Variants in CCSER1 observed in about 807,000 individuals in gnomAD.
CCSER1 encodes serine-rich coiled-coil domain-containing protein 1.
Under a neutral mutation model 82.0 loss-of-function variants are expected in CCSER1, and 41 were observed. The observed-to-expected ratio is 0.50, with a 90% CI of 0.39 to 0.65. The LOEUF is 0.65. Among genes scored for constraint, CCSER1 ranks in the 30% least tolerant of loss-of-function variants. The pLI is 0.00. For missense variants in CCSER1, 1,119 were observed against 1,064.2 expected, an observed-to-expected ratio of 1.05 and a Z score of -0.72; for synonymous variants, 414 against 383.9, an observed-to-expected ratio of 1.08 and a Z score of -0.92.
chr4:91,180,549 T>C (rs1447147279), intron 10 of CCSER1, among the ~76,000 whole-genome samples: 2 of 152,236 alleles, frequency 1.3e-5, no homozygotes, highest in Admixed American at 6.5e-5. Context: ...CCTTGCAGTT[T>C]GACCTCAGAC....
chr4:90,799,986 G>A (rs767779674), intron 7 of CCSER1, among the ~76,000 whole-genome samples: 6 of 152,140 alleles, frequency 3.9e-5, no homozygotes, highest in Non-Finnish European at 8.8e-5. Context: ...CGCTGGACCC[G>A]TGCAGAGTTC....
At chr4:90,802,024 C>G (rs545805347) in intron 7 of CCSER1, among the ~76,000 whole-genome samples, 1 of 151,788 alleles carries the variant, frequency 6.6e-6, no homozygotes, top group South Asian at 2.1e-4. Flanking sequence ...TCAAGATCAA[C>G]CTGGCCAATA....
intron 10 of CCSER1, among the ~76,000 whole-genome samples, chr4:91,489,126 A>C (rs969622840): frequency 6.6e-6 from 1 of 152,214 alleles, no homozygotes; most frequent in African/African-American, 2.4e-5. Context: ...ATAAATAGCA[A>C]GTGCTAATAC....
intron 1 of CCSER1, among the ~76,000 whole-genome samples, chr4:90,167,349 A>G (rs549712006): frequency 2.6e-5 from 4 of 152,272 alleles, no homozygotes; most frequent in East Asian, 1.9e-4. Context: ...ATTTATAAGA[A>G]TATTGTCAAT....
chr4:90,259,432 C>CT lies in CCSER1; in HGVS notation c.-41-48803dup, dbSNP rs779748756. ...TCAGTGAACAGTGACAGTTTGACTTCTTTTTTTTTCCCAATTTGTATGTCC... is the reference window on the plus strand; with the variant it reads ...TCAGTGAACAGTGACAGTTTGACTTCTTTTTTTTTTCCCAATTTGTATGTCC... On this transcript the variant is annotated intron_variant, in intron 1 of 10. Coordinates refer to ENST00000509176, the MANE Select transcript of CCSER1 (RefSeq NM_001145065.2). Among the ~76,000 whole-genome samples, 168 of 151,042 alleles carry CT rather than the reference C, an allele frequency of 1.1e-3. 1 individual carries two copies. Among genetic ancestry groups the CT allele is most frequent in the Admixed American group, 1.5e-3 (22 of 15,124 alleles).
Position 90,131,732 on chromosome 4 carries a change from C to T in CCSER1, c.-42+3901C>T, listed in dbSNP as rs538451564. ...TTGCCATAAATATAGAGCTATGATA[C>T]GGAGCCTATAGTGAAAATTTTAGAA... On this transcript the variant is annotated intron_variant, in intron 1 of 10. Coordinates refer to ENST00000509176, the MANE Select transcript of CCSER1 (RefSeq NM_001145065.2). 1.1e-4 allele frequency among the ~76,000 whole-genome samples: 16 copies of T among 152,162 alleles called. No homozygotes were observed. The South Asian group carries it at 2.9e-3, about 28-fold the overall frequency.
At chr4:91,135,778 G>A (rs1174857505) in intron 10 of CCSER1, among the ~76,000 whole-genome samples, 3 of 152,120 alleles carry the variant, frequency 2.0e-5, no homozygotes, top group Non-Finnish European at 4.4e-5. Flanking sequence ...TTCACAAGTA[G>A]GGAACCTGGG....
At chr4:91,312,962 T>C (rs79430521) in intron 10 of CCSER1, among the ~76,000 whole-genome samples, 3,529 of 152,052 alleles carry the variant, frequency 0.023, 130 homozygotes, top group African/African-American at 0.079. Flanking sequence ...TCATAATTAT[T>C]TGATACCCCT....
At chr4:90,287,131 C>G (rs1578968255) in intron 1 of CCSER1, among the ~76,000 whole-genome samples, 2 of 151,520 alleles carry the variant, frequency 1.3e-5, no homozygotes, top group South Asian at 4.2e-4. Flanking sequence ...TGCTACTGCT[C>G]CTAAAAGAAG....
intron 10 of CCSER1, among the ~76,000 whole-genome samples, chr4:91,221,322 T>G (rs551215423): frequency 1.3e-5 from 2 of 152,306 alleles, no homozygotes; most frequent in Non-Finnish European, 2.9e-5. Flanking sequence ...AAATATGATT[T>G]CTTTAAATAA....
chr4:90,575,289 T>C (rs1780611677), intron 5 of CCSER1, among the ~76,000 whole-genome samples: 1 of 152,208 alleles, frequency 6.6e-6, no homozygotes, highest in South Asian at 2.1e-4. Context: ...GGGGCTTTGA[T>C]TCTGTGTCAT....
At chr4:91,350,313 T>C (rs190255215) in intron 10 of CCSER1, among the ~76,000 whole-genome samples, 194 of 152,328 alleles carry the variant, frequency 1.3e-3, no homozygotes, top group Middle Eastern at 6.8e-3. Flanking sequence ...AAGGAAAAAT[T>C]AATTATATAA....
At chr4:90,692,611 A>G (rs1273356051) in intron 6 of CCSER1, among the ~76,000 whole-genome samples, 1 of 152,084 alleles carries the variant, frequency 6.6e-6, no homozygotes, top group East Asian at 1.9e-4. Context: ...TACCTTGTTA[A>G]TTTTGACGTA....
intron 10 of CCSER1, among the ~76,000 whole-genome samples, chr4:91,302,009 T>G (rs1744707495): frequency 6.6e-6 from 1 of 151,852 alleles, no homozygotes; most frequent in Non-Finnish European, 1.5e-5. Flanking sequence ...TTTCCCTTGT[T>G]TATTTCTTTC....
chr4:90,527,626 T>C (rs1773958381), intron 5 of CCSER1, among the ~76,000 whole-genome samples: 1 of 152,142 alleles, frequency 6.6e-6, no homozygotes, highest in Admixed American at 6.5e-5. Flanking sequence ...ACTTTTGCTA[T>C]AATGGAATTT....
At chr4:90,890,110 G>A (rs1306729974) in intron 8 of CCSER1, among the ~76,000 whole-genome samples, 3 of 151,954 alleles carry the variant, frequency 2.0e-5, no homozygotes, top group African/African-American at 7.3e-5. Context: ...AAAAATTATG[G>A]TGTTTAATAA....
At chr4:90,638,886 G>C (rs906611510) in intron 6 of CCSER1, among the ~76,000 whole-genome samples, 1 of 152,126 alleles carries the variant, frequency 6.6e-6, no homozygotes, top group East Asian at 1.9e-4. Context: ...GAATCGTAGA[G>C]ATCTAGGTGT....
chr4:91,125,730 T>G (rs1727453949), intron 10 of CCSER1, among the ~76,000 whole-genome samples: 1 of 151,664 alleles, frequency 6.6e-6, no homozygotes, highest in East Asian at 1.9e-4. Context: ...AAAAAGGGTA[T>G]ACATTTTCAA....
chr4:91,302,002 C>T lies in CCSER1; in HGVS notation c.2217+216008C>T, dbSNP rs1341735034. On this transcript the variant is annotated intron_variant, in intron 10 of 10. Coordinates refer to ENST00000509176, the MANE Select transcript of CCSER1 (RefSeq NM_001145065.2). ...TCCTTCCTTCGTTTATTTCCTTTTT[C>T]CCTTGTTTATTTCTTTCTTAAATGG... 2.0e-5 allele frequency among the ~76,000 whole-genome samples: 3 copies of T among 151,108 alleles called. No individual in the cohort carries two copies. The Admixed American group carries it at 2.0e-4, about 10-fold the overall frequency.
Sources: allele counts gnomAD v4.1 joint callset (sites outside exome capture counted in the v4.1 genomes callset), GRCh38; gene constraint gnomAD v4.1.1; transcripts MANE v1.5; gene names NCBI Gene and HGNC (gene_info 2026-07-23, HGNC 2026-07-21).